Variants in ANKRD33B observed in about 807,000 individuals in gnomAD.
ANKRD33B encodes ankyrin repeat domain 33B.
In ANKRD33B, 6 loss-of-function variants were observed where a neutral mutation model predicts 21.5. That is an observed-to-expected ratio of 0.28 (90% CI 0.15 to 0.55). The LOEUF is 0.55. Ranked by LOEUF, ANKRD33B falls within the 20% of genes least tolerant of loss-of-function variation. ANKRD33B has a pLI of 0.94. For synonymous variants in ANKRD33B, 347 were observed against 342.4 expected (o/e 1.01, Z -0.15); for missense variants, 698 against 747.2 (o/e 0.93, Z 0.77).
At chr5:10,606,539 T>A (rs956709277) in intron 1 of ANKRD33B, among the ~76,000 whole-genome samples, 1 of 151,964 alleles carries the variant, frequency 6.6e-6, no homozygotes, top group Non-Finnish European at 1.5e-5. Context: ...ATCGAGACCA[T>A]CCTGGCCAAC....
chr5:10,585,804 C>T (rs1047949800), intron 1 of ANKRD33B, among the ~76,000 whole-genome samples: 1 of 152,220 alleles, frequency 6.6e-6, no homozygotes, highest in Non-Finnish European at 1.5e-5. Flanking sequence ...TGGGGTCATG[C>T]GTAAAGCAGA....
At position 10,567,015 on chromosome 5, in the gene ANKRD33B, G is replaced by A. The variant is rs141308414; in HGVS notation, c.366+2182G>A. 1.8e-4 allele frequency among the ~76,000 whole-genome samples: 28 copies of A among 152,150 alleles called. No individual in the cohort carries two copies. The East Asian group carries it at 3.3e-3, about 18-fold the overall frequency. ...TCTGCCAGGCAAGGCTTTTTCTCTC[G>A]CTGCTTTTCTTCCCCTTTGATTACA... On this transcript the variant is annotated intron_variant, in intron 1 of 3. Coordinates refer to ENST00000296657, the MANE Select transcript of ANKRD33B (RefSeq NM_001164440.2).
At chr5:10,569,397 G>GA (rs1318670866) in intron 1 of ANKRD33B, among the ~76,000 whole-genome samples, 1 of 152,090 alleles carries the variant, frequency 6.6e-6, no homozygotes, top group Non-Finnish European at 1.5e-5. Context: ...AGGAGTTTGA[G>GA]AACAGCCTGG....
rs780058530 is a variant in ANKRD33B at position 10,649,617 on chromosome 5, A to T, written c.989A>T (p.Glu330Val). 6.5e-7 allele frequency: 1 copy of T among 1,531,028 alleles called. No individual in the cohort carries two copies. The highest frequency in any genetic ancestry group is 1.2e-5 in the South Asian group (1 of 83,780). The allele number at this position is 1,531,028 out of a possible 1,614,324, so 94.8% of individuals were successfully genotyped here. ...ATCGTGTGCCAGACCGTGTGCCCTG[A>T]GAGCCCTCCGAGCGTGGGGAAGAGG... ...VAIVCQTVCP[E>V]SPPSVGKRRL... is the part of the protein sequence containing the mutation. Residue 330 changes from glutamate to valine, a missense_variant, in exon 4 of 4, where the codon GAG becomes GTG. Physicochemically the swap from Glu to Val is moderately radical, Grantham distance 121. Transcript: ENST00000296657.
chr5:10,582,096 T>G (rs1352707304), intron 1 of ANKRD33B, among the ~76,000 whole-genome samples: 1 of 152,064 alleles, frequency 6.6e-6, no homozygotes, highest in Non-Finnish European at 1.5e-5. Context: ...TTGCCAGTCT[T>G]CCCCCAGCAT....
In ANKRD33B at chr5:10,618,414, TG is replaced by T. The variant is rs1736337886; in HGVS notation, c.450del (p.Trp150CysfsTer10). On this transcript the variant is annotated frameshift_variant, in exon 2 of 4. Coordinates refer to ENST00000296657, the MANE Select transcript of ANKRD33B (RefSeq NM_001164440.2). LOFTEE classifies it high-confidence loss of function. The part of the protein sequence containing the change: ...LAECPHVDVN[W>X]QDSEGNTALI... Reference sequence around the variant, plus strand: ...AGAGTGCCCCCACGTTGACGTCAACTGGCAGGACAGCGAGGGGAACACAGCC... The same window carrying T: ...AGAGTGCCCCCACGTTGACGTCAACTGCAGGACAGCGAGGGGAACACAGCC... 6.5e-7 allele frequency: 1 copy of T among 1,537,572 alleles called. No individual in the cohort carries two copies. The highest frequency in any genetic ancestry group is 1.4e-5 in the African/African-American group (1 of 73,162).
chr5:10,564,292 C>A lies in ANKRD33B; in HGVS notation c.-176C>A. On this transcript the variant is annotated 5_prime_UTR_variant, in exon 1 of 4. Coordinates refer to ENST00000296657, the MANE Select transcript of ANKRD33B (RefSeq NM_001164440.2). ...CCCACCCCAGGGGCTCGCTCAGCCT[C>A]CGGAGACTTTTTTCTTTGAGCGCAG... The A allele has an allele frequency of 3.4e-6, 1 of 289,924 alleles. No individual in the cohort carries two copies. Among genetic ancestry groups the A allele is most frequent in the Non-Finnish European group, 5.2e-6 (1 of 191,928 alleles). The allele number at this position is 289,924 out of a possible 1,614,324, so 18.0% of individuals were successfully genotyped here. A position where few individuals can be genotyped will look rare whatever the true frequency, so the allele number is the denominator to read the frequency against.
intron 1 of ANKRD33B, among the ~76,000 whole-genome samples, chr5:10,587,598 A>C (rs1206082361): frequency 6.6e-6 from 1 of 151,084 alleles, no homozygotes; most frequent in African/African-American, 2.4e-5. Flanking sequence ...AAGTACAAAG[A>C]AAAAAACAAA....
intron 1 of ANKRD33B, among the ~76,000 whole-genome samples, chr5:10,613,203 C>T (rs111645719): frequency 0.015 from 2,349 of 152,096 alleles, 35 homozygotes; most frequent in African/African-American, 0.041. Flanking sequence ...ACGCAGCATC[C>T]GGCCCTCCTT....
At chr5:10,630,455 C>G (rs988241306) in intron 2 of ANKRD33B, among the ~76,000 whole-genome samples, 1 of 152,218 alleles carries the variant, frequency 6.6e-6, no homozygotes, top group Non-Finnish European at 1.5e-5. Flanking sequence ...TTCCACTAGA[C>G]AGAGAACTGG....
chr5:10,567,950 T>G (rs923508855), intron 1 of ANKRD33B, among the ~76,000 whole-genome samples: 1 of 152,202 alleles, frequency 6.6e-6, no homozygotes, highest in Non-Finnish European at 1.5e-5. Context: ...GGAAATGATC[T>G]CTAAAGGCGT....
rs1560975963 is a variant in ANKRD33B at position 10,618,573 on chromosome 5, T to C, written c.496+111T>C. 5.1e-6 allele frequency: 7 copies of C among 1,385,140 alleles called. No individual in the cohort carries two copies. In the East Asian group the frequency reaches 1.8e-4, roughly 35 times the overall value. 85.8% of individuals were successfully genotyped at this position (1,385,140 alleles called of 1,614,324 possible). A position where few individuals can be genotyped will look rare whatever the true frequency, so the allele number is the denominator to read the frequency against. ...AGGATGGAAATGATCAGAGACCATGTCCTGCTACCAAGGGGTGCCAGGGAA... is the reference window on the plus strand; with the variant it reads ...AGGATGGAAATGATCAGAGACCATGCCCTGCTACCAAGGGGTGCCAGGGAA... On this transcript the variant is annotated intron_variant, in intron 2 of 3. Transcript: ENST00000296657.
At chr5:10,637,738 C>A (rs920742786) in intron 2 of ANKRD33B, among the ~76,000 whole-genome samples, 1 of 152,076 alleles carries the variant, frequency 6.6e-6, no homozygotes, top group Admixed American at 6.6e-5. Context: ...CCCTGCCCCC[C>A]ACATCCACCC....
intron 1 of ANKRD33B, among the ~76,000 whole-genome samples, chr5:10,587,459 G>T (rs1417500762): frequency 1.3e-5 from 2 of 151,582 alleles, no homozygotes; most frequent in Admixed American, 6.6e-5. Context: ...CACTGTGAAT[G>T]ATCACATTCA....
chr5:10,617,421 G>T (rs1475492897), intron 1 of ANKRD33B, among the ~76,000 whole-genome samples: 4 of 152,156 alleles, frequency 2.6e-5, no homozygotes, highest in Admixed American at 1.3e-4. Context: ...CGAAACTCTG[G>T]GGTCATCCTG....
At chr5:10,565,102 T>G (rs1735018708) in intron 1 of ANKRD33B, among the ~76,000 whole-genome samples, 1 of 152,242 alleles carries the variant, frequency 6.6e-6, no homozygotes, top group African/African-American at 2.4e-5. Flanking sequence ...CATCCCCTTC[T>G]CGTTTACCGG....
In ANKRD33B at chr5:10,649,960, G is replaced by A. The variant is rs1260585741; in HGVS notation, c.1332G>A (p.Lys444=). 3 of 1,532,528 alleles carry A rather than the reference G, an allele frequency of 2.0e-6. No individual in the cohort carries two copies. The highest frequency in any genetic ancestry group is 2.6e-6 in the Non-Finnish European group (3 of 1,144,666). The allele number at this position is 1,532,528 out of a possible 1,614,324, so 94.9% of individuals were successfully genotyped here. A position where few individuals can be genotyped will look rare whatever the true frequency, so the allele number is the denominator to read the frequency against. ...TCCAGCCCGAGCGGCCGGCGCGGAA[G>A]GGCAGCACCAAGGACAGCGGCCACC... ...PTFQPERPAR[K]GSTKDSGHLQ... Residue 444 remains lysine (K), a synonymous_variant, in exon 4 of 4, where the codon AAG becomes AAA. Transcript: ENST00000296657.
chr5:10,637,418 GTAGT>G (rs1736892878), intron 2 of ANKRD33B, among the ~76,000 whole-genome samples: 1 of 78,768 alleles, frequency 1.3e-5, no homozygotes, highest in Admixed American at 1.4e-4. Context: ...GTGGGCGTAG[GTAGT>G]TAGACACACA....
At position 10,582,576 on chromosome 5, in the gene ANKRD33B, T is replaced by C. The variant is rs1297636103; in HGVS notation, c.366+17743T>C. On this transcript the variant is annotated intron_variant, in intron 1 of 3. Transcript: ENST00000296657. The stretch of plus-strand genomic sequence containing the variant: ...CAGCATTGTCTTTGGAAACTCTCCC[T>C]GCAGGGCTCCTCCCAACAGTTCTCC... Among the ~76,000 whole-genome samples the C allele has an allele frequency of 2.0e-5, 3 of 152,324 alleles. No individual in the cohort carries two copies. The East Asian group carries it at 5.8e-4, about 29-fold the overall frequency.
Sources: allele counts gnomAD v4.1 joint callset (sites outside exome capture counted in the v4.1 genomes callset), GRCh38; gene constraint gnomAD v4.1.1; transcripts MANE v1.5; gene names NCBI Gene and HGNC (gene_info 2026-07-23, HGNC 2026-07-21).